Variants in FUT8 observed in about 807,000 individuals in gnomAD.
FUT8 encodes the protein fucosyltransferase 8.
Under a neutral mutation model 71.3 loss-of-function variants are expected in FUT8, and 29 were observed. That is an observed-to-expected ratio of 0.41 (90% CI 0.30 to 0.55). The LOEUF (loss-of-function observed/expected upper bound fraction) is 0.55. Ranked by LOEUF, FUT8 falls within the 20% of genes least tolerant of loss-of-function variation. The pLI, the probability that FUT8 is intolerant of heterozygous loss-of-function variation, is 0.34. For synonymous variants in FUT8, 254 were observed against 239.3 expected (o/e 1.06, Z -0.57); for missense variants, 544 against 702.1 (o/e 0.77, Z 2.55).
chr14:65,442,557 C>A (rs549789566), intron 1 of FUT8, among the ~76,000 whole-genome samples: 20 of 148,806 alleles, frequency 1.3e-4, no homozygotes, highest in African/African-American at 3.9e-4. Context: ...AGTATAGGCC[C>A]GCTGTGGTGG....
intron 9 of FUT8, among the ~76,000 whole-genome samples, chr14:65,725,675 T>G (rs1331192683): frequency 6.6e-6 from 1 of 152,218 alleles, no homozygotes; most frequent in Admixed American, 6.5e-5. Context: ...ATAAGTACTT[T>G]GGACATAATA....
chr14:65,722,168 A>G (rs905442781), intron 8 of FUT8, 147 bp downstream of exon 8: 4 of 989,336 alleles, frequency 4.0e-6, no homozygotes, highest in Admixed American at 2.8e-5. Context: ...CTAAGGTCAC[A>G]TGGAGACTAT....
Position 65,616,020 on chromosome 14 carries a change from A to G in FUT8, c.246A>G (p.Arg82=), listed in dbSNP as rs1390861579. 6.2e-7 allele frequency: 1 copy of G among 1,613,932 alleles called. No homozygotes were observed. Among genetic ancestry groups the G allele is most frequent in the Non-Finnish European group, 8.5e-7 (1 of 1,179,940 alleles). ...TTGATCAGGGGCCAGCTATAGGAAG[A>G]GTACGCGTTTTAGAAGAGCAGCTTG... ...GPIDQGPAIG[R]VRVLEEQLVK... The change falls in exon 4 of 11, where the codon AGA becomes AGG. Residue 82 remains arginine, a synonymous_variant. Transcript: ENST00000673929.
At position 65,697,227 on chromosome 14, in the gene FUT8, T is replaced by C. The variant is rs543580875; in HGVS notation, c.836-24548T>C. Among the ~76,000 whole-genome samples the C allele has an allele frequency of 2.8e-4, 43 of 152,336 alleles. 1 individual carries two copies. Among genetic ancestry groups the C allele is most frequent in the Middle Eastern group, 6.8e-3 (2 of 294 alleles). On this transcript the variant is annotated intron_variant, in intron 7 of 10. Coordinates refer to ENST00000673929, the MANE Select transcript of FUT8 (RefSeq NM_001371533.1). Reference sequence around the variant, plus strand: ...GGGGTGTGCTTACTGTAGCCATAGCTATGGTATCAGATGCTAAAATTTCTT... The same window carrying C: ...GGGGTGTGCTTACTGTAGCCATAGCCATGGTATCAGATGCTAAAATTTCTT...
At position 65,602,339 on chromosome 14, in the gene FUT8, TCTCTCACACACACACACACACACACACA is replaced by T. The variant is rs1191404586; in HGVS notation, c.204-13637_204-13610del. Among the ~76,000 whole-genome samples the T allele has an allele frequency of 3.4e-4, 30 of 88,266 alleles. 1 individual carries two copies. Among genetic ancestry groups the T allele is most frequent in the Non-Finnish European group, 3.8e-4 (18 of 47,524 alleles). 57.9% of individuals were successfully genotyped at this position (88,266 alleles called of 152,430 possible). ...ATTTTCATGGCCGAGTAGCGTTCCA[TCTCTCACACACACACACACACACACACA>T]CACACACACACACACACACACACAC... On this transcript the variant is annotated intron_variant, in intron 3 of 10. Coordinates refer to ENST00000673929, the MANE Select transcript of FUT8 (RefSeq NM_001371533.1).
chr14:65,692,402 G>T (rs1594902634), intron 7 of FUT8, among the ~76,000 whole-genome samples: 3 of 139,170 alleles, frequency 2.2e-5, no homozygotes, highest in Admixed American at 7.0e-5. Flanking sequence ...TGGCCGGGCG[G>T]GGGGCTGACC....
At chr14:65,519,521 A>G (rs1040377859) in intron 2 of FUT8, among the ~76,000 whole-genome samples, 2 of 152,198 alleles carry the variant, frequency 1.3e-5, no homozygotes, top group Non-Finnish European at 2.9e-5. Flanking sequence ...TGTATTCTTT[A>G]TGCACTTCTG....
At chr14:65,497,943 A>G (rs1389273980) in intron 2 of FUT8, among the ~76,000 whole-genome samples, 1 of 152,170 alleles carries the variant, frequency 6.6e-6, no homozygotes, top group Non-Finnish European at 1.5e-5. Flanking sequence ...TTCTGCTGCT[A>G]ACTAGAAGAA....
chr14:65,505,369 G>A (rs1379506762), intron 2 of FUT8, among the ~76,000 whole-genome samples: 3 of 140,888 alleles, frequency 2.1e-5, no homozygotes, highest in African/African-American at 8.1e-5. Flanking sequence ...CTGGAGTGCA[G>A]TGGTGCAATC....
chr14:65,522,447 T>G (rs1359541594), intron 2 of FUT8, among the ~76,000 whole-genome samples: 1 of 152,176 alleles, frequency 6.6e-6, no homozygotes, highest in Non-Finnish European at 1.5e-5. Context: ...TTAAGGTTAT[T>G]TGTTAGTATG....
chr14:65,442,326 C>T (rs2065672753), intron 1 of FUT8, among the ~76,000 whole-genome samples: 1 of 151,784 alleles, frequency 6.6e-6, no homozygotes, highest in Non-Finnish European at 1.5e-5. Flanking sequence ...CAAGCATGTG[C>T]CACCACACCC....
chr14:65,633,637 G>C (rs534266380), intron 6 of FUT8, among the ~76,000 whole-genome samples: 1 of 147,494 alleles, frequency 6.8e-6, no homozygotes, highest in African/African-American at 2.5e-5. Context: ...CCGCCGCCCC[G>C]TCTGGGATGT....
intron 7 of FUT8, among the ~76,000 whole-genome samples, chr14:65,677,435 C>T (rs1348557348): frequency 6.6e-6 from 1 of 151,994 alleles, no homozygotes; most frequent in Non-Finnish European, 1.5e-5. Flanking sequence ...AGTTTAGTCT[C>T]CTATTATAAG....
intron 2 of FUT8, among the ~76,000 whole-genome samples, chr14:65,459,837 C>CA (rs1159574380): frequency 4.0e-5 from 6 of 150,994 alleles, no homozygotes; most frequent in African/African-American, 1.5e-4. Flanking sequence ...GAGAAACAGT[C>CA]AAAAAATAAT....
chr14:65,643,310 TAAAAG>T lies in FUT8; in HGVS notation c.597+13705_597+13709del, dbSNP rs1410117079. On this transcript the variant is annotated intron_variant, in intron 6 of 10. Coordinates refer to ENST00000673929, the MANE Select transcript of FUT8 (RefSeq NM_001371533.1). The surrounding 1 kb of genome is among the most constrained non-coding windows in gnomAD (Gnocchi z 4.5). ...ACAACATCATTCCTTATTGAGGGTA[TAAAAG>T]GGAATACATATTTAGGTCATTAACA... Among the ~76,000 whole-genome samples the T allele has an allele frequency of 6.6e-6, 1 of 152,110 alleles. No individual in the cohort carries two copies. Among genetic ancestry groups the T allele is most frequent in the Non-Finnish European group, 1.5e-5 (1 of 68,006 alleles).
chr14:65,637,438 G>A (rs1216713145), intron 6 of FUT8, among the ~76,000 whole-genome samples: 1 of 152,134 alleles, frequency 6.6e-6, no homozygotes, highest in Non-Finnish European at 1.5e-5. Context: ...AGCCTCTGCA[G>A]AAGGATATCT....
intron 3 of FUT8, among the ~76,000 whole-genome samples, chr14:65,615,433 T>C (rs1566854062): frequency 6.6e-6 from 1 of 152,214 alleles, no homozygotes; most frequent in Admixed American, 6.5e-5. Context: ...TGTTTTATCT[T>C]CTACTCTTGT....
chr14:65,428,271 A>C (rs1252440465), intron 1 of FUT8, among the ~76,000 whole-genome samples: 1 of 152,130 alleles, frequency 6.6e-6, no homozygotes, highest in Non-Finnish European at 1.5e-5. Context: ...GGCTTATGTC[A>C]GCTATGGTCT....
At chr14:65,686,895 A>G (rs1174684968) in intron 7 of FUT8, among the ~76,000 whole-genome samples, 2 of 152,190 alleles carry the variant, frequency 1.3e-5, no homozygotes, top group South Asian at 2.1e-4. Context: ...TTCAAACAGA[A>G]CAAGTTTCTT....
Sources: gnomAD v4.1 joint callset for allele counts (sites outside exome capture counted in the v4.1 genomes callset) on GRCh38, gnomAD v4.1.1 for gene constraint, Gnocchi (gnomAD v3.1) non-coding constraint, MANE v1.5 for transcripts, NCBI Gene and HGNC (gene_info 2026-07-23, HGNC 2026-07-21) for gene names.